Variants in DDX49 observed in about 807,000 individuals in gnomAD.
The protein encoded by DDX49 is probable ATP-dependent RNA helicase DDX49.
In DDX49, 50 loss-of-function variants were observed where a neutral mutation model predicts 56.3. The observed-to-expected ratio is 0.89, with a 90% CI of 0.71 to 1.12. The LOEUF (loss-of-function observed/expected upper bound fraction) is 1.12, where lower values mean the gene tolerates loss of function less well. Ranked by LOEUF, DDX49 falls within the 50% of genes most tolerant of loss-of-function variation. DDX49 has a pLI of 0.00. For synonymous variants in DDX49, 269 were observed against 270.6 expected (o/e 0.99, Z 0.06); for missense variants, 614 against 650.5 (o/e 0.94, Z 0.61).
Position 18,922,093 on chromosome 19 carries a change from AG to A in DDX49, c.447+131del, listed in dbSNP as rs538303431. 3.2e-3 allele frequency: 4,255 copies of A among 1,333,720 alleles called. 11 individuals carry two copies. Among genetic ancestry groups the A allele is most frequent in the Non-Finnish European group, 3.9e-3 (3,876 of 994,260 alleles). The allele number at this position is 1,333,720 out of a possible 1,614,324, so 82.6% of individuals were successfully genotyped here. On this transcript the variant is annotated intron_variant, in intron 4 of 12. Transcript: ENST00000247003. ...CCGTTAGACTGTCCAGTAAAACGCT[AG>A]GAACAGTGACAAGGACCGTTCAAGG...
intron 10 of DDX49, 26 bp downstream of exon 10, chr19:18,926,403 GAGAAGGA>G: frequency 1.9e-6 from 1 of 533,538 alleles, no homozygotes; most frequent in African/African-American, 2.1e-5. Flanking sequence ...GTGGGTGGTA[GAGAAGGA>G]GGGGTGGGGT....
At chr19:18,926,627 T>C (rs1396557649) in intron 10 of DDX49, among the ~76,000 whole-genome samples, 2 of 152,108 alleles carry the variant, frequency 1.3e-5, no homozygotes, top group Non-Finnish European at 2.9e-5. Flanking sequence ...TTTCTTAGAC[T>C]GAGATGTATG....
At chr19:18,927,034 T>C (rs915654222) in intron 10 of DDX49, among the ~76,000 whole-genome samples, 4 of 139,104 alleles carry the variant, frequency 2.9e-5, no homozygotes, top group African/African-American at 8.1e-5. Context: ...GGTCGCGCCA[T>C]TACGCTCCAG....
intron 6 of DDX49, 125 bp downstream of exon 6, chr19:18,922,869 G>A (rs1163514575): frequency 2.3e-6 from 3 of 1,291,808 alleles, no homozygotes; most frequent in Non-Finnish European, 3.2e-6. Flanking sequence ...GAGGTCATGG[G>A]GGCTTCCCTC....
At chr19:18,926,424 CAGA>C in intron 10 of DDX49, 47 bp downstream of exon 10, 4 of 456,918 alleles carry the variant, frequency 8.8e-6, no homozygotes, top group East Asian at 5.3e-5. Flanking sequence ...GTGGGGTGGG[CAGA>C]GGTGGGCACC....
Position 18,922,520 on chromosome 19 carries a change from C to CCA in DDX49, c.635+10_635+11dup, listed in dbSNP as rs2056927039. The CCA allele has an allele frequency of 6.3e-7, 1 of 1,599,850 alleles. No individual in the cohort carries two copies. Among genetic ancestry groups the CCA allele is most frequent in the South Asian group, 1.1e-5 (1 of 90,628 alleles). ...TCTGGGAAGCACAGGCCCCGTGAGT[C>CCA]CACAGCCCAGACAGCGTGGGGAGGG... is the stretch of plus-strand genomic sequence containing the variant. On this transcript the variant is annotated splice_region_variant and intron_variant, in intron 5 of 12. Coordinates refer to ENST00000247003, the MANE Select transcript of DDX49 (RefSeq NM_019070.5).
rs759364414 is a variant in DDX49, at chr19:18,928,201, A to T, written c.1337A>T (p.Lys446Met). Residue 446 changes from lysine to methionine, a missense_variant, in exon 13 of 13, where the codon AAG becomes ATG. Lys to Met is a moderately conservative substitution (Grantham distance 95). Coordinates refer to ENST00000247003, the MANE Select transcript of DDX49 (RefSeq NM_019070.5). The stretch of plus-strand genomic sequence containing the variant: ...CAGAAGAACCGGCGCTTCAAGGAGA[A>T]GGTGGAGGAGACGCTGAAGCGACAG... ...IKQKNRRFKE[K>M]VEETLKRQKA... The T allele has an allele frequency of 1.9e-6, 3 of 1,586,272 alleles. No homozygotes were observed. The South Asian group carries it at 3.4e-5, about 18-fold the overall frequency.
intron 10 of DDX49, among the ~76,000 whole-genome samples, chr19:18,927,092 AAGAG>A (rs1479588971): frequency 7.1e-6 from 1 of 141,538 alleles, no homozygotes. Flanking sequence ...AAAAAAAAAA[AAGAG>A]AAACATCTGG....
Position 18,919,855 on chromosome 19 carries a change from G to A in DDX49, c.114G>A (p.Glu38=), listed in dbSNP as rs747138575. 3.8e-6 allele frequency: 6 copies of A among 1,596,862 alleles called. No individual in the cohort carries two copies. The highest frequency in any genetic ancestry group is 1.7e-5 in the Admixed American group (1 of 59,654). ...TCGGCTGCATCCCCGCCATCCTGGA[G>A]GGTGAGTATGGCCCAGGGCCTTCCC... is the stretch of plus-strand genomic sequence containing the variant. ...VQLGCIPAIL[E]GRDCLGCAKT... is the part of the protein sequence containing the mutation. The change falls in exon 1 of 13, where the codon GAG becomes GAA. Residue 38 remains glutamate (E), a splice_region_variant and synonymous_variant. Transcript: ENST00000247003.
intron 9 of DDX49, 196 bp downstream of exon 9, chr19:18,925,175 C>G (rs2056951355): frequency 1.2e-6 from 1 of 844,470 alleles, no homozygotes. Context: ...AAGAAGATCA[C>G]TTGAACCCGG....
At chr19:18,926,401 TAGAGAA>T in intron 10 of DDX49, 24 bp downstream of exon 10, 1 of 1,146,828 alleles carries the variant, frequency 8.7e-7, no homozygotes, top group Non-Finnish European at 1.1e-6. Context: ...GGGTGGGTGG[TAGAGAA>T]GGAGGGGTGG....
chr19:18,920,616 G>A lies in DDX49; in HGVS notation c.152G>A (p.Gly51Glu). Residue 51 changes from glycine to glutamate, a missense_variant, in exon 2 of 13, where the codon GGG becomes GAG. Gly to Glu is a moderately conservative substitution (Grantham distance 98). Transcript: ENST00000247003. The stretch of plus-strand genomic sequence containing the variant: ...TTGGGCTGTGCTAAGACAGGCAGTG[G>A]GAAGACAGCAGCGTTTGTCCTTCCC... ...DCLGCAKTGS[G>E]KTAAFVLPIL... 6.2e-7 allele frequency: 1 copy of A among 1,610,976 alleles called. No homozygotes were observed. The highest frequency in any genetic ancestry group is 8.5e-7 in the Non-Finnish European group (1 of 1,177,380).
chr19:18,924,831 C>G, intron 8 of DDX49, 51 bp from the exon 9 acceptor site: 1 of 1,612,090 alleles, frequency 6.2e-7, no homozygotes, highest in Non-Finnish European at 8.5e-7. Flanking sequence ...GAGTCCTTGC[C>G]TCGGTTTCCC....
chr19:18,927,735 AC>A (rs768702049), intron 10 of DDX49, 30 bp from the exon 11 acceptor site: 1 of 1,113,784 alleles, frequency 9.0e-7, no homozygotes, highest in Non-Finnish European at 1.4e-6. Context: ...TCTCCTCCCC[AC>A]CCCCACCCCC....
At position 18,925,911 on chromosome 19, in the gene DDX49, G is replaced by A. The variant is rs1358127613; in HGVS notation, c.1028-392G>A. On this transcript the variant is annotated intron_variant, in intron 9 of 12. Transcript: ENST00000247003. ...ACGTCCTCGTGGGGCTGCCATGAGG[G>A]TCACGGACCTTGTCCACCATCAGTG... Among the ~76,000 whole-genome samples, 3 of 152,350 alleles carry A rather than the reference G, an allele frequency of 2.0e-5. No individual in the cohort carries two copies. The East Asian group carries it at 5.8e-4, about 29-fold the overall frequency.
Position 18,924,309 on chromosome 19 carries a change from G to C in DDX49, c.852+1G>C, listed in dbSNP as rs1385406519. ...GGCTCTGCACTCCATGATGAAGCAG[G>C]TGAGGCCACCCTGGGGCCCGCCAGC... is the stretch of plus-strand genomic sequence containing the variant. On this transcript the variant is annotated splice_donor_variant, in intron 7 of 12. Coordinates refer to ENST00000247003, the MANE Select transcript of DDX49 (RefSeq NM_019070.5). LOFTEE classifies it high-confidence loss of function. The C allele has an allele frequency of 6.2e-7, 1 of 1,612,194 alleles. No homozygotes were observed. Among genetic ancestry groups the C allele is most frequent in the Admixed American group, 1.7e-5 (1 of 59,794 alleles).
In DDX49 at chr19:18,922,098, C is replaced by T. The variant is rs190821551; in HGVS notation, c.447+134C>T. ...AGACTGTCCAGTAAAACGCTAGGAA[C>T]AGTGACAAGGACCGTTCAAGGACCA... On this transcript the variant is annotated intron_variant, in intron 4 of 12. Coordinates refer to ENST00000247003, the MANE Select transcript of DDX49 (RefSeq NM_019070.5). 2.5e-3 allele frequency: 3,239 copies of T among 1,320,328 alleles called. 19 individuals carry two copies. Among genetic ancestry groups the T allele is most frequent in the Middle Eastern group, 4.1e-3 (15 of 3,694 alleles). The allele number at this position is 1,320,328 out of a possible 1,614,324, so 81.8% of individuals were successfully genotyped here. A position where few individuals can be genotyped will look rare whatever the true frequency, so the allele number is the denominator to read the frequency against.
intron 9 of DDX49, among the ~76,000 whole-genome samples, chr19:18,925,959 C>T (rs2056957486): frequency 6.6e-6 from 1 of 152,200 alleles, no homozygotes; most frequent in African/African-American, 2.4e-5. Flanking sequence ...TAGTCAACGT[C>T]ACAGAAAACA....
At chr19:18,922,883 G>A (rs973044515) in intron 6 of DDX49, 139 bp downstream of exon 6, 10 of 1,141,764 alleles carry the variant, frequency 8.8e-6, no homozygotes, top group Middle Eastern at 2.4e-4. Context: ...TTCCCTCAAG[G>A]AGCCAAGGTC....
Sources: allele counts gnomAD v4.1 joint callset (sites outside exome capture counted in the v4.1 genomes callset), GRCh38; gene constraint gnomAD v4.1.1; transcripts MANE v1.5; gene names NCBI Gene and HGNC (gene_info 2026-07-23, HGNC 2026-07-21).